EBNA1BP2: variants seen among roughly 807,000 people sequenced by gnomAD.
EBNA1BP2 encodes probable rRNA-processing protein EBP2.
A neutral mutation model predicts 43.5 loss-of-function variants in EBNA1BP2; 36 were observed. That is an observed-to-expected ratio of 0.83 (90% CI 0.63 to 1.09). The LOEUF (loss-of-function observed/expected upper bound fraction) is 1.09, where lower values mean the gene tolerates loss of function less well. Ranked by LOEUF, EBNA1BP2 falls within the 50% of genes least tolerant of loss-of-function variation. The probability of loss-of-function intolerance (pLI) is 0.00; values close to 1 mark genes in which losing one functional copy is unlikely to be tolerated. For missense variants in EBNA1BP2, 332 were observed against 379.1 expected (o/e 0.88, Z 1.03); for synonymous variants, 127 against 141.3 (o/e 0.90, Z 0.72).
intron 2 of EBNA1BP2, 61 bp from the exon 3 acceptor site, chr1:43,171,712 C>A (rs1382415273): frequency 1.3e-5 from 21 of 1,593,306 alleles, no homozygotes; most frequent in Non-Finnish European, 1.8e-5. Context: ...TTCCCAAGCA[C>A]AGGCTGTTAG....
chr1:43,172,570 G>T, upstream of EBNA1BP2: 1 of 725,504 alleles, frequency 1.4e-6, no homozygotes, highest in Admixed American at 2.4e-5. Context: ...CCCGGGGGAG[G>T]GGAAAGGGGA....
At chr1:43,169,656 T>C (rs1644942089) in intron 4 of EBNA1BP2, among the ~76,000 whole-genome samples, 3 of 152,196 alleles carry the variant, frequency 2.0e-5, no homozygotes, top group Non-Finnish European at 4.4e-5. Flanking sequence ...TATATAAAAA[T>C]GGTGCAGCAT....
chr1:43,170,665 C>A, intron 4 of EBNA1BP2, 91 bp downstream of exon 4: 1 of 1,520,164 alleles, frequency 6.6e-7, no homozygotes, highest in Non-Finnish European at 8.8e-7. Context: ...ACTGGCTCCC[C>A]GTTATTGGGC....
At position 43,171,368 on chromosome 1, in the gene EBNA1BP2, C is replaced by T. The variant is rs185905912; in HGVS notation, c.323+111G>A. The stretch of plus-strand genomic sequence containing the variant: ...CTAGCTATTCTTAGTCAAAAGAAGC[C>T]GCTCTCTCTACTCCTAGGCTTATTC... On this transcript the variant is annotated intron_variant, in intron 3 of 8. Transcript: ENST00000236051. The T allele has an allele frequency of 1.2e-4, 163 of 1,326,240 alleles. No individual in the cohort carries two copies. In the East Asian group the frequency reaches 3.8e-3, roughly 31 times the overall value. The allele number at this position is 1,326,240 out of a possible 1,614,324, so 82.2% of individuals were successfully genotyped here.
At chr1:43,171,319 C>G in intron 3 of EBNA1BP2, 160 bp downstream of exon 3, 1 of 933,118 alleles carries the variant, frequency 1.1e-6, no homozygotes, top group Non-Finnish European at 1.5e-6. Flanking sequence ...CCAAAGAGCT[C>G]TTCTCTCAAA....
intron 5 of EBNA1BP2, among the ~76,000 whole-genome samples, chr1:43,168,022 A>C (rs1240541925): frequency 6.6e-6 from 1 of 152,246 alleles, no homozygotes; most frequent in Non-Finnish European, 1.5e-5. Flanking sequence ...GGAACAGTGA[A>C]CTAATAGGCC....
At chr1:43,166,718 C>T (rs1220101051) in intron 7 of EBNA1BP2, 108 bp downstream of exon 7, 1 of 1,145,086 alleles carries the variant, frequency 8.7e-7, no homozygotes, top group Admixed American at 2.3e-5. Flanking sequence ...GCTGCACTCT[C>T]TGGACTCTAT....
chr1:43,166,084 G>A (rs1644916128), intron 7 of EBNA1BP2, among the ~76,000 whole-genome samples: 1 of 152,160 alleles, frequency 6.6e-6, no homozygotes, highest in Admixed American at 6.5e-5. Flanking sequence ...AAAACAATGA[G>A]AGCCCACATT....
chr1:43,171,014 A>T, intron 3 of EBNA1BP2, 135 bp from the exon 4 acceptor site: 1 of 1,286,022 alleles, frequency 7.8e-7, no homozygotes, highest in East Asian at 2.9e-5. Flanking sequence ...CAAACAAACA[A>T]AAACTGTCTC....
At chr1:43,172,293 C>T (rs748262386), upstream of EBNA1BP2, 41 of 1,551,974 alleles carry the variant, frequency 2.6e-5, no homozygotes, top group African/African-American at 5.5e-4. Context: ...TACTGCTCAA[C>T]TTTTGATTGG....
At chr1:43,164,887 T>G in intron 7 of EBNA1BP2, 82 bp from the exon 8 acceptor site, 1 of 1,550,370 alleles carries the variant, frequency 6.5e-7, no homozygotes, top group South Asian at 1.2e-5. Context: ...CTCAGTTTCC[T>G]TTCTATAAGC....
At chr1:43,165,642 A>C (rs1644913330) in intron 7 of EBNA1BP2, among the ~76,000 whole-genome samples, 1 of 152,180 alleles carries the variant, frequency 6.6e-6, no homozygotes, top group South Asian at 2.1e-4. Context: ...CTGTTAGTAC[A>C]ACCTACAACC....
chr1:43,172,115 C>T lies in EBNA1BP2; in HGVS notation c.4G>A (p.Asp2Asn). 1 of 1,614,144 alleles carries T rather than the reference C, an allele frequency of 6.2e-7. No homozygotes were observed. The highest frequency in any genetic ancestry group is 8.5e-7 in the Non-Finnish European group (1 of 1,180,026). Residue 2 changes from aspartate to asparagine, a missense_variant, in exon 1 of 9, where the codon GAC becomes AAC. Asp to Asn is a conservative substitution (Grantham distance 23, BLOSUM62 1). This residue lies in a region of EBNA1BP2 where 182 missense variants were observed against 173.7 expected (regional missense o/e 1.05). Coordinates refer to ENST00000236051, the MANE Select transcript of EBNA1BP2 (RefSeq NM_006824.3). ...TCCGAATCCGAGAGCGGGGGAGTGT[C>T]CATCTCGCCGCACGCACGTCCCACA... M[D>N]TPPLSDSESE...
In EBNA1BP2 at chr1:43,170,972, G is replaced by A; in HGVS notation, c.324-93C>T. The A allele has an allele frequency of 3.5e-6, 5 of 1,437,112 alleles. No individual in the cohort carries two copies. The South Asian group carries it at 8.0e-5, about 23-fold the overall frequency. The allele number at this position is 1,437,112 out of a possible 1,614,324, so 89.0% of individuals were successfully genotyped here. ...ATCATGAGTTATCCAAGCTCAGAAG[G>A]ACTCTCAAAATCTGACCTCCATTAG... On this transcript the variant is annotated intron_variant, in intron 3 of 8. Transcript: ENST00000236051.
intron 5 of EBNA1BP2, among the ~76,000 whole-genome samples, chr1:43,167,794 G>A (rs1335057538): frequency 6.6e-6 from 1 of 152,164 alleles, no homozygotes; most frequent in East Asian, 1.9e-4. Flanking sequence ...TCTTGATACT[G>A]CTACAGTGTG....
rs1782374 is a variant in EBNA1BP2, at chr1:43,167,145, T to C, written c.613+15A>G. Reference sequence around the variant, plus strand: ...GTACCTGCTACCCTCGTTCCCCTATTAGAGATGTACCAACCTTTCTGATAT... The same window carrying C: ...GTACCTGCTACCCTCGTTCCCCTATCAGAGATGTACCAACCTTTCTGATAT... On this transcript the variant is annotated intron_variant, in intron 6 of 8. Transcript: ENST00000236051. 0.24 allele frequency: 381,227 copies of C among 1,610,906 alleles called. 48,048 individuals are homozygous for C. The highest frequency in any genetic ancestry group is 0.27 in the Middle Eastern group (1,663 of 6,054).
Position 43,170,890 on chromosome 1 carries a change from T to C in EBNA1BP2, c.324-11A>G, listed in dbSNP as rs764380639. The C allele has an allele frequency of 2.6e-5, 40 of 1,561,612 alleles. No individual in the cohort carries two copies. The highest frequency in any genetic ancestry group is 5.6e-5 in the African/African-American group (4 of 71,402). ...TGGGCTTGGCGATAGCTGAGAATCG[T>C]AGGACAAAATGTGTAATGAGGTGAA... On this transcript the variant is annotated splice_polypyrimidine_tract_variant and intron_variant, in intron 3 of 8. Transcript: ENST00000236051.
chr1:43,172,452 A>G, upstream of EBNA1BP2: 7 of 1,528,724 alleles, frequency 4.6e-6, no homozygotes, highest in Middle Eastern at 1.8e-4. Flanking sequence ...GAGAAACGAA[A>G]GGTGGGAGGG....
chr1:43,171,823 A>T, intron 2 of EBNA1BP2, 63 bp downstream of exon 2: 1 of 1,597,498 alleles, frequency 6.3e-7, no homozygotes, highest in East Asian at 2.2e-5. Context: ...CGGTCTCCCA[A>T]GCCCAACAGC....
Sources: gnomAD v4.1 joint callset for allele counts (sites outside exome capture counted in the v4.1 genomes callset) on GRCh38, gnomAD v4.1.1 for gene constraint, gnomAD v4.1.1 regional missense constraint, MANE v1.5 for transcripts, NCBI Gene and HGNC (gene_info 2026-07-23, HGNC 2026-07-21) for gene names.